The following ENTREP1 variants were observed in gnomAD, a reference collection of about 807,000 sequenced individuals.
ENTREP1 encodes the protein endosomal transmembrane epsin interactor 1, also known as Friedreich ataxia region gene X123.
chr9:69,324,916 GT>G, the ENTREP1 span: 1 of 985,030 alleles, frequency 1.0e-6, no homozygotes, highest in Non-Finnish European at 1.2e-6. Flanking sequence ...TGGCCGTGAG[GT>G]GCCTCCCACC....
chr9:69,351,707 C>T, the ENTREP1 span, among the ~76,000 whole-genome samples: 1 of 152,312 alleles, frequency 6.6e-6, no homozygotes, highest in South Asian at 2.1e-4. Flanking sequence ...TGAGCCACCG[C>T]ACCCAGCCTC....
At chr9:69,353,120 G>C in the ENTREP1 span, among the ~76,000 whole-genome samples, 3 of 152,200 alleles carry the variant, frequency 2.0e-5, no homozygotes, top group Non-Finnish European at 4.4e-5. Flanking sequence ...CTGGATGACA[G>C]AGTGACACCC....
At chr9:69,371,712 T>G in the ENTREP1 span, 2 of 777,438 alleles carry the variant, frequency 2.6e-6, no homozygotes, top group Non-Finnish European at 4.6e-6. Flanking sequence ...TGTCCTGAAG[T>G]GAAACCTGAA....
chr9:69,328,087 G>A, the ENTREP1 span, among the ~76,000 whole-genome samples: 3 of 152,146 alleles, frequency 2.0e-5, no homozygotes, highest in South Asian at 6.2e-4. Context: ...TGCAGTATAC[G>A]ATGAACCCAC....
At chr9:69,329,886 G>A in the ENTREP1 span, among the ~76,000 whole-genome samples, 4 of 149,764 alleles carry the variant, frequency 2.7e-5, no homozygotes, top group African/African-American at 4.9e-5. Context: ...GGTTCCACTG[G>A]GTTTAATTAG....
chr9:69,368,605 T>G, the ENTREP1 span, among the ~76,000 whole-genome samples: 1 of 152,084 alleles, frequency 6.6e-6, no homozygotes. Flanking sequence ...GATTGGATAT[T>G]TTCTTTTTTT....
the ENTREP1 span, among the ~76,000 whole-genome samples, chr9:69,336,754 C>T: frequency 6.6e-6 from 1 of 152,054 alleles, no homozygotes; most frequent in Non-Finnish European, 1.5e-5. Flanking sequence ...CACTGTTGCC[C>T]AGGCTGGAGT....
At chr9:69,347,134 G>T in the ENTREP1 span, among the ~76,000 whole-genome samples, 4 of 152,186 alleles carry the variant, frequency 2.6e-5, no homozygotes, top group Admixed American at 2.6e-4. Flanking sequence ...GACCAGATGG[G>T]CCTCCCAGGA....
the ENTREP1 span, chr9:69,383,417 T>A: frequency 7.2e-7 from 1 of 1,397,922 alleles, no homozygotes; most frequent in South Asian, 1.6e-5. Flanking sequence ...ATGATGGGGT[T>A]GCATTTTATA....
chr9:69,385,812 A>C, the ENTREP1 span: 1 of 1,565,292 alleles, frequency 6.4e-7, no homozygotes, highest in Non-Finnish European at 8.6e-7. Flanking sequence ...CATTCCTAAC[A>C]TACCTGCCGA....
At chr9:69,330,502 A>G in the ENTREP1 span, among the ~76,000 whole-genome samples, 1 of 152,198 alleles carries the variant, frequency 6.6e-6, no homozygotes, top group Admixed American at 6.5e-5. Flanking sequence ...ACGTAAAGAG[A>G]CAGACATTGG....
the ENTREP1 span, among the ~76,000 whole-genome samples, chr9:69,357,816 T>TC: frequency 6.6e-6 from 1 of 152,224 alleles, no homozygotes; most frequent in Non-Finnish European, 1.5e-5. Flanking sequence ...AAATTTTAGT[T>TC]CGGTGCCTTG....
chr9:69,335,892 G>A, the ENTREP1 span, among the ~76,000 whole-genome samples: 1 of 38,398 alleles, frequency 2.6e-5, no homozygotes. Flanking sequence ...GCAGAGGCGG[G>A]AGGATCACCA....
chr9:69,350,939 A>G, the ENTREP1 span, among the ~76,000 whole-genome samples: 23 of 151,896 alleles, frequency 1.5e-4, no homozygotes, highest in Non-Finnish European at 5.9e-5. Flanking sequence ...AAAAGATAAA[A>G]TAATGAGTCT....
chr9:69,337,666 T>A, the ENTREP1 span, among the ~76,000 whole-genome samples: 1 of 152,176 alleles, frequency 6.6e-6, no homozygotes, highest in East Asian at 1.9e-4. Flanking sequence ...TTTAAACTTA[T>A]CAGTTACAGT....
chr9:69,383,557 G>C, the ENTREP1 span: 1 of 1,593,268 alleles, frequency 6.3e-7, no homozygotes, highest in South Asian at 1.2e-5. Flanking sequence ...AGCAAAGCCA[G>C]TATCCGGGCA....
chr9:69,359,262 GCCAAAC>G, the ENTREP1 span, among the ~76,000 whole-genome samples: 1 of 152,130 alleles, frequency 6.6e-6, no homozygotes, highest in Non-Finnish European at 1.5e-5. Context: ...TGTGACAGAG[GCCAAAC>G]CCAGTTGGGA....
the ENTREP1 span, among the ~76,000 whole-genome samples, chr9:69,352,091 T>A: frequency 6.6e-6 from 1 of 152,100 alleles, no homozygotes; most frequent in East Asian, 1.9e-4. Context: ...CTGATTGACA[T>A]CTAGGTCCTT....
At chr9:69,352,974 A>G in the ENTREP1 span, among the ~76,000 whole-genome samples, 1 of 152,284 alleles carries the variant, frequency 6.6e-6, no homozygotes, top group East Asian at 1.9e-4. Flanking sequence ...CCATCTCTAC[A>G]AAAACTTAAA....
Sources: allele counts gnomAD v4.1 joint callset (sites outside exome capture counted in the v4.1 genomes callset), GRCh38; gene constraint gnomAD v4.1.1; transcripts MANE v1.5; gene names NCBI Gene and HGNC (gene_info 2026-07-23, HGNC 2026-07-21).